Variants in PIAS2 observed in about 807,000 individuals in gnomAD.
PIAS2 encodes protein inhibitor of activated STAT 2.
In PIAS2, 19 loss-of-function variants were observed where a neutral mutation model predicts 69.7. The observed-to-expected ratio is 0.27, with a 90% confidence interval of 0.19 to 0.40. The LOEUF is 0.40. Ranked by LOEUF, PIAS2 falls within the 10% of genes least tolerant of loss-of-function variation. The probability of loss-of-function intolerance (pLI) is 1.00; values close to 1 mark genes in which losing one functional copy is unlikely to be tolerated. For synonymous variants in PIAS2, 261 were observed against 263.2 expected, an observed-to-expected ratio of 0.99 and a Z score of 0.08; for missense variants, 624 against 757.0, an observed-to-expected ratio of 0.82 and a Z score of 2.06.
At chr18:46,859,501 G>A (rs2048351803) in intron 3 of PIAS2, among the ~76,000 whole-genome samples, 1 of 151,258 alleles carries the variant, frequency 6.6e-6, no homozygotes, top group Non-Finnish European at 1.5e-5. Flanking sequence ...ATGAAGAGTG[G>A]CCTATCACAA....
intron 11 of PIAS2, among the ~76,000 whole-genome samples, chr18:46,826,364 A>T (rs2042851212): frequency 6.6e-6 from 1 of 152,210 alleles, no homozygotes; most frequent in South Asian, 2.1e-4. Flanking sequence ...AGTAAAGGAC[A>T]GAGGGTAGAC....
intron 5 of PIAS2, among the ~76,000 whole-genome samples, chr18:46,854,305 G>A (rs2047411808): frequency 6.6e-6 from 1 of 152,184 alleles, no homozygotes; most frequent in Non-Finnish European, 1.5e-5. Context: ...CTCGTGTTCA[G>A]CAGGGATATT....
chr18:46,825,829 A>G (rs2144888631), intron 11 of PIAS2, among the ~76,000 whole-genome samples: 1 of 152,380 alleles, frequency 6.6e-6, no homozygotes, highest in Non-Finnish European at 1.5e-5. Flanking sequence ...AACATCCATG[A>G]AGATGACTAC....
intron 3 of PIAS2, 67 bp from the exon 4 acceptor site, chr18:46,855,682 G>C: frequency 8.2e-7 from 1 of 1,224,608 alleles, no homozygotes; most frequent in Non-Finnish European, 1.2e-6. Flanking sequence ...GTCTCCCCAG[G>C]AGGAAAAAAA....
intron 3 of PIAS2, among the ~76,000 whole-genome samples, chr18:46,857,462 C>T (rs942500750): frequency 3.3e-5 from 5 of 152,102 alleles, no homozygotes; most frequent in Admixed American, 1.3e-4. Flanking sequence ...AACTAGAAAA[C>T]AGGGTTTTTA....
chr18:46,827,752 G>T, intron 11 of PIAS2: 1 of 459,642 alleles, frequency 2.2e-6, no homozygotes. Flanking sequence ...TACCTCACAC[G>T]CTCACTTTCC....
chr18:46,834,074 G>A (rs2044072003), intron 9 of PIAS2, among the ~76,000 whole-genome samples: 1 of 151,280 alleles, frequency 6.6e-6, no homozygotes, highest in African/African-American at 2.4e-5. Flanking sequence ...ACCATTTTTA[G>A]ACCTAGTATC....
intron 1 of PIAS2, among the ~76,000 whole-genome samples, chr18:46,894,281 T>TA (rs746000843): frequency 6.6e-6 from 1 of 152,318 alleles, no homozygotes; most frequent in Non-Finnish European, 1.5e-5. Flanking sequence ...TTTCTTAACT[T>TA]AGTCTTTCAC....
intron 2 of PIAS2, among the ~76,000 whole-genome samples, chr18:46,877,731 C>G (rs993613654): frequency 6.6e-6 from 1 of 152,116 alleles, no homozygotes; most frequent in Non-Finnish European, 1.5e-5. Context: ...GGATAAAAAC[C>G]CCTTCCCTAC....
upstream of PIAS2, among the ~76,000 whole-genome samples, chr18:46,918,339 G>GT (rs1055377040): frequency 6.6e-6 from 1 of 152,160 alleles, no homozygotes; most frequent in African/African-American, 2.4e-5. Context: ...TTAAAACAAT[G>GT]TAACTTTTAA....
chr18:46,844,825 A>G lies in PIAS2; in HGVS notation c.876T>C (p.Ser292=), dbSNP rs764524299. Residue 292 remains serine, a synonymous_variant, in exon 7 of 14, where the codon TCT becomes TCC. Transcript: ENST00000585916. ...ASEIGKNYSM[S]VYLVRQLTSA... ...ATGTAAGCTGCCGTACAAGATATACAGACATAGAGTAATTCTACAAACAAA... is the reference window on the plus strand; with the variant it reads ...ATGTAAGCTGCCGTACAAGATATACGGACATAGAGTAATTCTACAAACAAA... 7.0e-7 allele frequency: 1 copy of G among 1,430,586 alleles called. No homozygotes were observed. Among genetic ancestry groups the G allele is most frequent in the Non-Finnish European group, 9.3e-7 (1 of 1,076,378 alleles). 88.6% of individuals were successfully genotyped at this position (1,430,586 alleles called of 1,614,324 possible). A position where few individuals can be genotyped will look rare whatever the true frequency, so the allele number is the denominator to read the frequency against.
chr18:46,818,524 C>A, intron 12 of PIAS2: 1 of 1,270,372 alleles, frequency 7.9e-7, no homozygotes. Context: ...GTTATCTCTC[C>A]ATTCTTGGTG....
chr18:46,837,282 C>A (rs1012918141), intron 8 of PIAS2, among the ~76,000 whole-genome samples: 2 of 151,740 alleles, frequency 1.3e-5, no homozygotes, highest in African/African-American at 4.8e-5. Context: ...TTATTAAATT[C>A]TTCGGTCTCT....
chr18:46,833,149 C>A (rs1157152241), intron 9 of PIAS2, among the ~76,000 whole-genome samples: 2 of 151,864 alleles, frequency 1.3e-5, no homozygotes, highest in Non-Finnish European at 2.9e-5. Flanking sequence ...TCCAACAGCC[C>A]CAAAACAGAA....
intron 8 of PIAS2, among the ~76,000 whole-genome samples, chr18:46,837,423 T>C (rs1386456466): frequency 6.6e-6 from 1 of 152,180 alleles, no homozygotes; most frequent in Non-Finnish European, 1.5e-5. Flanking sequence ...ACCTATAACC[T>C]TTTCTCATTT....
rs1231281249 is a variant in PIAS2, at chr18:46,803,393, T to A, written c.*9040A>T. 2.0e-5 allele frequency: 3 copies of A among 152,196 alleles called. No homozygotes were observed. The highest frequency in any genetic ancestry group is 7.2e-5 in the African/African-American group (3 of 41,452). 9.4% of individuals were successfully genotyped at this position (152,196 alleles called of 1,614,324 possible). ...ACCACTTGCTTCTTGAAATACTCTATTTTTTGGCCTCTGTAATACCACGTT... is the reference window on the plus strand; with the variant it reads ...ACCACTTGCTTCTTGAAATACTCTAATTTTTGGCCTCTGTAATACCACGTT... On this transcript the variant is annotated 3_prime_UTR_variant, in exon 14 of 14. Coordinates refer to ENST00000585916, the MANE Select transcript of PIAS2 (RefSeq NM_004671.5).
In PIAS2 at chr18:46,917,457, G is replaced by GCGCCGCTTAAGA; in HGVS notation, c.-124_-113dup. ...CGCCTCCAGCACCATCCTGCACTGG[G>GCGCCGCTTAAGA]CGCCGCTTAAGACGCCGCGGCCGCC... On this transcript the variant is annotated 5_prime_UTR_variant, in exon 1 of 14. Transcript: ENST00000585916. 8.1e-7 allele frequency: 1 copy of GCGCCGCTTAAGA among 1,236,746 alleles called. No homozygotes were observed. The highest frequency in any genetic ancestry group is 1.0e-6 in the Non-Finnish European group (1 of 985,534). The allele number at this position is 1,236,746 out of a possible 1,614,324, so 76.6% of individuals were successfully genotyped here.
intron 3 of PIAS2, among the ~76,000 whole-genome samples, chr18:46,859,429 A>G (rs1339876692): frequency 7.5e-5 from 2 of 26,658 alleles, no homozygotes; most frequent in South Asian, 2.5e-3. Flanking sequence ...CTCCGTCTCA[A>G]AAAAAAAAAA....
chr18:46,849,379 A>C (rs2046628880), intron 5 of PIAS2, among the ~76,000 whole-genome samples: 1 of 152,186 alleles, frequency 6.6e-6, no homozygotes, highest in African/African-American at 2.4e-5. Flanking sequence ...TTGATAATAT[A>C]TTAATAGTTG....
Sources: allele counts gnomAD v4.1 joint callset (sites outside exome capture counted in the v4.1 genomes callset), GRCh38; gene constraint gnomAD v4.1.1; transcripts MANE v1.5; gene names NCBI Gene and HGNC (gene_info 2026-07-23, HGNC 2026-07-21).